The following KIAA1549L variants were observed in gnomAD, a reference collection of about 807,000 sequenced individuals.
KIAA1549L encodes UPF0606 protein KIAA1549L.
In KIAA1549L, 88 loss-of-function variants were observed where a neutral mutation model predicts 160.7. The observed-to-expected ratio is 0.55, with a 90% confidence interval of 0.46 to 0.65. The LOEUF (loss-of-function observed/expected upper bound fraction) is 0.65, where lower values mean the gene tolerates loss of function less well. Among genes scored for constraint, KIAA1549L ranks in the 30% least tolerant of loss-of-function variants. The pLI, the probability that KIAA1549L is intolerant of heterozygous loss-of-function variation, is 0.00. For missense variants in KIAA1549L, 2,258 were observed against 2,437.5 expected, an observed-to-expected ratio of 0.93 and a Z score of 1.55; for synonymous variants, 950 against 976.7, an observed-to-expected ratio of 0.97 and a Z score of 0.51.
chr11:33,588,113 T>C (rs994306137), intron 11 of KIAA1549L, among the ~76,000 whole-genome samples: 2 of 152,216 alleles, frequency 1.3e-5, no homozygotes, highest in Admixed American at 6.5e-5. Flanking sequence ...CTCATGATAA[T>C]ACCTACCTTC....
At chr11:33,623,165 AAC>A (rs1851006211) in intron 16 of KIAA1549L, among the ~76,000 whole-genome samples, 2 of 152,312 alleles carry the variant, frequency 1.3e-5, no homozygotes, top group South Asian at 4.1e-4. Flanking sequence ...GCTTTGGCGT[AAC>A]AGTCAGGGAC....
intron 1 of KIAA1549L, among the ~76,000 whole-genome samples, chr11:33,498,701 C>T (rs1327075938): frequency 1.3e-5 from 2 of 152,100 alleles, no homozygotes; most frequent in East Asian, 3.9e-4. Flanking sequence ...CAAGGTCAGC[C>T]TAGATTCAAA....
At chr11:33,487,700 G>GA (rs1168907885) in intron 1 of KIAA1549L, among the ~76,000 whole-genome samples, 1 of 152,062 alleles carries the variant, frequency 6.6e-6, no homozygotes, top group African/African-American at 2.4e-5. Context: ...TCTGAGGTGG[G>GA]ATCTAGGCAT....
chr11:33,378,318 A>G (rs1465929722), intron 1 of KIAA1549L, among the ~76,000 whole-genome samples: 1 of 152,186 alleles, frequency 6.6e-6, no homozygotes, highest in African/African-American at 2.4e-5. Context: ...GTTCTTGTTC[A>G]GCCTGATGTT....
chr11:33,561,562 T>C, intron 7 of KIAA1549L, 114 bp from the exon 8 acceptor site: 1 of 830,540 alleles, frequency 1.2e-6, no homozygotes, highest in Non-Finnish European at 2.0e-6. Flanking sequence ...AGCCCAGGAG[T>C]TCAAGAACAG....
intron 1 of KIAA1549L, among the ~76,000 whole-genome samples, chr11:33,502,016 A>G (rs1852960951): frequency 6.6e-6 from 1 of 152,178 alleles, no homozygotes; most frequent in South Asian, 2.1e-4. Flanking sequence ...AGGGAAGCAA[A>G]TTCTCCAAGC....
chr11:33,429,782 C>T (rs536288805), intron 1 of KIAA1549L, among the ~76,000 whole-genome samples: 1 of 152,288 alleles, frequency 6.6e-6, no homozygotes, highest in East Asian at 1.9e-4. Flanking sequence ...CCCTACTCCA[C>T]CCGGCTCTGC....
At chr11:33,400,535 A>G (rs547414437) in intron 1 of KIAA1549L, among the ~76,000 whole-genome samples, 1 of 152,282 alleles carries the variant, frequency 6.6e-6, no homozygotes, top group East Asian at 1.9e-4. Context: ...TGAGTCATTG[A>G]TTTTTACCAG....
At chr11:33,411,315 C>T (rs1481196053) in intron 1 of KIAA1549L, among the ~76,000 whole-genome samples, 1 of 152,174 alleles carries the variant, frequency 6.6e-6, no homozygotes, top group African/African-American at 2.4e-5. Context: ...CCTGGCTGCA[C>T]ATGAGACCCA....
chr11:33,555,266 A>C (rs1189957180), intron 6 of KIAA1549L, among the ~76,000 whole-genome samples: 4 of 152,246 alleles, frequency 2.6e-5, no homozygotes, highest in Non-Finnish European at 1.5e-5. Flanking sequence ...TGTAATTCCT[A>C]TCAAAATCCC....
chr11:33,379,947 C>A (rs1199544190), intron 1 of KIAA1549L, among the ~76,000 whole-genome samples: 1 of 152,206 alleles, frequency 6.6e-6, no homozygotes, highest in East Asian at 1.9e-4. Flanking sequence ...AGAGGGCGAT[C>A]AAGGCCCTTG....
chr11:33,559,655 C>A, intron 6 of KIAA1549L, 94 bp from the exon 7 acceptor site: 1 of 1,007,970 alleles, frequency 9.9e-7, no homozygotes, highest in Non-Finnish European at 1.5e-6. Context: ...CTTCCCTCAA[C>A]TCCTGCTTAG....
chr11:33,580,024 C>A (rs1171619773), intron 10 of KIAA1549L, among the ~76,000 whole-genome samples: 1 of 152,092 alleles, frequency 6.6e-6, no homozygotes, highest in Non-Finnish European at 1.5e-5. Flanking sequence ...TGTTCCAGAG[C>A]CTTCTAAATC....
intron 1 of KIAA1549L, among the ~76,000 whole-genome samples, chr11:33,411,745 A>C (rs1433391245): frequency 1.3e-5 from 2 of 152,222 alleles, no homozygotes; most frequent in African/African-American, 4.8e-5. Flanking sequence ...GAGTGTATTT[A>C]CAGTTTGAGG....
intron 6 of KIAA1549L, among the ~76,000 whole-genome samples, chr11:33,556,104 T>C (rs1465909534): frequency 1.3e-5 from 2 of 152,120 alleles, no homozygotes; most frequent in Non-Finnish European, 2.9e-5. Context: ...ATCAAAACCA[T>C]GAGATACCTA....
At chr11:33,513,773 T>C (rs1027812152) in intron 1 of KIAA1549L, among the ~76,000 whole-genome samples, 25 of 151,882 alleles carry the variant, frequency 1.6e-4, no homozygotes, top group African/African-American at 5.6e-4. Flanking sequence ...CCACAGGGGG[T>C]GGTAGCAAAT....
chr11:33,419,250 T>C (rs1160472890), intron 1 of KIAA1549L, among the ~76,000 whole-genome samples: 2 of 152,232 alleles, frequency 1.3e-5, no homozygotes, highest in Non-Finnish European at 2.9e-5. Flanking sequence ...AAAAATGATT[T>C]TCTCTTTGGT....
At chr11:33,663,666 C>T (rs1220414717) in intron 20 of KIAA1549L, among the ~76,000 whole-genome samples, 1 of 152,140 alleles carries the variant, frequency 6.6e-6, no homozygotes, top group Non-Finnish European at 1.5e-5. Context: ...GCTTCCTTCT[C>T]AAAAATTTGA....
intron 16 of KIAA1549L, among the ~76,000 whole-genome samples, chr11:33,620,983 C>T (rs2133354641): frequency 6.6e-6 from 1 of 152,294 alleles, no homozygotes; most frequent in African/African-American, 2.4e-5. Context: ...CAATTGGAAA[C>T]ATGTCATTCT....
Sources: allele counts gnomAD v4.1 joint callset (sites outside exome capture counted in the v4.1 genomes callset), GRCh38; gene constraint gnomAD v4.1.1; transcripts MANE v1.5; gene names NCBI Gene and HGNC (gene_info 2026-07-23, HGNC 2026-07-21).